The following YWHAE variants were observed in gnomAD, a reference collection of about 807,000 sequenced individuals.
YWHAE encodes tyrosine 3-monooxygenase/tryptophan 5-monooxygenase activation protein epsilon, also known as 14-3-3 protein epsilon.
A neutral mutation model predicts 30.1 loss-of-function variants in YWHAE; 4 were observed. The observed-to-expected ratio is 0.13, with a 90% confidence interval of 0.07 to 0.30. YWHAE has a LOEUF of 0.30. Ranked by LOEUF, YWHAE falls within the 10% of genes least tolerant of loss-of-function variation. The pLI, the probability that YWHAE is intolerant of heterozygous loss-of-function variation, is 1.00. For missense variants in YWHAE, 121 were observed against 315.9 expected (o/e 0.38, Z 4.68); for synonymous variants, 118 against 111.8 (o/e 1.06, Z -0.35).
intron 4 of YWHAE, among the ~76,000 whole-genome samples, chr17:1,356,707 C>A (rs1414953454): frequency 1.3e-5 from 2 of 151,968 alleles, no homozygotes; most frequent in African/African-American, 2.4e-5. Flanking sequence ...GCCTGTAATC[C>A]CAGCACTCTG....
In YWHAE at chr17:1,388,095, ATTTTTGTTTTTTTTTTTGGTTGGTT is replaced by A. The variant is rs1330917704; in HGVS notation, c.64+11927_64+11951del. On this transcript the variant is annotated intron_variant, in intron 1 of 5. Transcript: ENST00000264335. ...CACGTGCCACCACCACGCCTGGGTA[ATTTTTGTTTTTTTTTTTGGTTGGTT>A]TTTTTTTTTTTTTTTTTTTTTTAGT... Among the ~76,000 whole-genome samples the A allele has an allele frequency of 6.7e-3, 491 of 72,804 alleles. 12 individuals are homozygous for A. The highest frequency in any genetic ancestry group is 0.03 in the African/African-American group (453 of 15,218). 47.8% of individuals were successfully genotyped at this position (72,804 alleles called of 152,430 possible).
chr17:1,356,030 G>A (rs1180376608), intron 4 of YWHAE, among the ~76,000 whole-genome samples: 1 of 152,154 alleles, frequency 6.6e-6, no homozygotes, highest in East Asian at 1.9e-4. Context: ...TTAGCCGGGA[G>A]CAGTGGCAGG....
chr17:1,367,230 C>A (rs145626200), intron 1 of YWHAE, among the ~76,000 whole-genome samples: 11 of 152,236 alleles, frequency 7.2e-5, no homozygotes, highest in African/African-American at 2.6e-4. Context: ...AAGTGGAAAC[C>A]CCTCAAATGT....
intron 1 of YWHAE, chr17:1,399,108 A>G (rs1567991793): frequency 6.6e-6 from 1 of 152,078 alleles, no homozygotes; most frequent in Non-Finnish European, 1.5e-5. Context: ...GTGCGCACAA[A>G]CTGTAAAGTC....
At chr17:1,400,021 A>T in intron 1 of YWHAE, 26 bp downstream of exon 1, 3 of 1,593,562 alleles carry the variant, frequency 1.9e-6, no homozygotes, top group Non-Finnish European at 2.6e-6. Flanking sequence ...CGAGAATTCC[A>T]GCCCCCCGTT....
intron 1 of YWHAE, among the ~76,000 whole-genome samples, chr17:1,396,947 A>C (rs558627564): frequency 7.4e-6 from 1 of 135,572 alleles, no homozygotes; most frequent in African/African-American, 2.8e-5. Context: ...TGGAGACAAG[A>C]GTCTCGCTCT....
rs568084816 is a variant in YWHAE at position 1,380,900 on chromosome 17, G to A, written c.65-15842C>T. Among the ~76,000 whole-genome samples the A allele has an allele frequency of 6.8e-4, 104 of 152,224 alleles. No homozygotes were observed. In the Middle Eastern group the frequency reaches 0.017, roughly 25 times the overall value. The stretch of plus-strand genomic sequence containing the variant: ...ATTCAAGTTTTCCCCGACAACTGCA[G>A]CACACAATCCCTTGTTCCCCTTCTC... On this transcript the variant is annotated intron_variant, in intron 1 of 5. Coordinates refer to ENST00000264335, the MANE Select transcript of YWHAE (RefSeq NM_006761.5).
chr17:1,352,545 G>C (rs1348695800), intron 5 of YWHAE, among the ~76,000 whole-genome samples: 1 of 146,576 alleles, frequency 6.8e-6, no homozygotes, highest in Non-Finnish European at 1.5e-5. Flanking sequence ...TTTTTTTTTA[G>C]ATGGAGTCTT....
intron 1 of YWHAE, among the ~76,000 whole-genome samples, chr17:1,386,855 G>A (rs550706602): frequency 1.3e-5 from 2 of 152,128 alleles, no homozygotes; most frequent in South Asian, 4.1e-4. Flanking sequence ...TCAGGAGGCT[G>A]AGGCAGGAGA....
chr17:1,358,400 C>T (rs767450066), intron 4 of YWHAE, among the ~76,000 whole-genome samples: 43 of 152,050 alleles, frequency 2.8e-4, no homozygotes, highest in Non-Finnish European at 5.7e-4. Flanking sequence ...CCACCACGCC[C>T]GGCTGATTTT....
intron 4 of YWHAE, among the ~76,000 whole-genome samples, chr17:1,356,828 A>G (rs1357099406): frequency 2.0e-5 from 3 of 152,060 alleles, no homozygotes; most frequent in Admixed American, 6.6e-5. Context: ...AATTCAGTCA[A>G]GCGCAGTGAA....
intron 5 of YWHAE, among the ~76,000 whole-genome samples, chr17:1,348,842 G>A (rs1255830211): frequency 6.6e-6 from 1 of 151,776 alleles, no homozygotes; most frequent in Non-Finnish European, 1.5e-5. Context: ...GTTAACACGG[G>A]GAAACCCCGC....
intron 1 of YWHAE, among the ~76,000 whole-genome samples, chr17:1,372,780 C>T (rs778861190): frequency 1.3e-5 from 2 of 151,994 alleles, no homozygotes; most frequent in African/African-American, 4.8e-5. Context: ...AGGTGAGACC[C>T]TATCTCTACA....
intron 1 of YWHAE, among the ~76,000 whole-genome samples, chr17:1,392,927 GGGT>G (rs1355100469): frequency 2.6e-5 from 4 of 151,986 alleles, no homozygotes; most frequent in Admixed American, 6.6e-5. Context: ...AGGTGGCCGG[GGGT>G]GGTGGCTCAC....
At chr17:1,347,952 C>T (rs773266170) in intron 5 of YWHAE, 58 of 1,007,270 alleles carry the variant, frequency 5.8e-5, no homozygotes, top group Admixed American at 1.3e-4. Context: ...GTGCCATGAA[C>T]GTGACTTACA....
chr17:1,368,095 A>G (rs886989311), intron 1 of YWHAE, among the ~76,000 whole-genome samples: 1 of 152,108 alleles, frequency 6.6e-6, no homozygotes, highest in African/African-American at 2.4e-5. Flanking sequence ...TACTAAAAAT[A>G]TAAAAATTAG....
rs1260926054 is a variant in YWHAE at position 1,366,816 on chromosome 17, CTT to C, written c.65-1760_65-1759del. Among the ~76,000 whole-genome samples the C allele has an allele frequency of 6.4e-3, 975 of 152,186 alleles. 13 individuals carry two copies. Among genetic ancestry groups the C allele is most frequent in the African/African-American group, 0.015 (636 of 41,522 alleles). ...AATTAGCTGGGCATGGTGGTGCACG[CTT>C]GTAATCCCAGCTACCAGGAAGGCTG... On this transcript the variant is annotated intron_variant, in intron 1 of 5. Coordinates refer to ENST00000264335, the MANE Select transcript of YWHAE (RefSeq NM_006761.5).
At chr17:1,389,583 T>C (rs1440226879) in intron 1 of YWHAE, among the ~76,000 whole-genome samples, 1 of 150,684 alleles carries the variant, frequency 6.6e-6, no homozygotes, top group East Asian at 1.9e-4. Flanking sequence ...CAGGCTGGAG[T>C]GCAGTGGCGC....
intron 4 of YWHAE, among the ~76,000 whole-genome samples, chr17:1,359,812 T>TCG (rs1555640505): frequency 1.1e-4 from 14 of 130,718 alleles, no homozygotes; most frequent in African/African-American, 3.3e-4. Flanking sequence ...CACTAAATTG[T>TCG]TGTGTGTGTG....
Sources: allele counts gnomAD v4.1 joint callset (sites outside exome capture counted in the v4.1 genomes callset), GRCh38; gene constraint gnomAD v4.1.1; transcripts MANE v1.5; gene names NCBI Gene and HGNC (gene_info 2026-07-23, HGNC 2026-07-21).